Variants in NALCN observed in about 807,000 individuals in gnomAD.
NALCN encodes sodium leak channel, non-selective, also known as sodium leak channel NALCN.
NALCN carries 111 observed loss-of-function variants against 225.3 expected under a neutral mutation model. That is an observed-to-expected ratio of 0.49 (90% confidence interval 0.42 to 0.58). The LOEUF (loss-of-function observed/expected upper bound fraction) is 0.58. NALCN is among the 20% of genes least tolerant of loss of function. The pLI, the probability that NALCN is intolerant of heterozygous loss-of-function variation, is 0.00. For synonymous variants in NALCN, 764 were observed against 769.0 expected, an observed-to-expected ratio of 0.99 and a Z score of 0.11; for missense variants, 1,378 against 2,202.4, an observed-to-expected ratio of 0.63 and a Z score of 7.49.
At chr13:101,302,163 G>A (rs994248951) in intron 7 of NALCN, among the ~76,000 whole-genome samples, 3 of 152,092 alleles carry the variant, frequency 2.0e-5, no homozygotes, top group Admixed American at 2.0e-4. Flanking sequence ...TTTGGCAAAA[G>A]TACTAAGATA....
intron 3 of NALCN, among the ~76,000 whole-genome samples, chr13:101,383,908 A>C (rs149169500): frequency 4.1e-4 from 62 of 152,342 alleles, no homozygotes; most frequent in African/African-American, 1.5e-3. Context: ...TAAAATTACT[A>C]TCATATTAAT....
intron 6 of NALCN, among the ~76,000 whole-genome samples, chr13:101,363,244 A>C (rs2046296414): frequency 6.6e-6 from 1 of 152,130 alleles, no homozygotes; most frequent in Admixed American, 6.6e-5. Context: ...ACTATCCTAA[A>C]ATTTATATTA....
At position 101,124,661 on chromosome 13, in the gene NALCN, G is replaced by A. The variant is rs1467008038; in HGVS notation, c.2139C>T (p.Ser713=). ...IDQKLRKSVF[S]IRARNLLEKE... ...TTTCCAGAAGGTTCCTTGCCCTGAT[G>A]CTGAAAACAGACTTGCGAAGCTGAA... The change falls in exon 18 of 44, where the codon AGC becomes AGT. Residue 713 remains serine, a synonymous_variant. Transcript: ENST00000251127. The A allele has an allele frequency of 6.2e-7, 1 of 1,614,004 alleles. No individual in the cohort carries two copies. The highest frequency in any genetic ancestry group is 2.2e-5 in the East Asian group (1 of 44,858).
intron 28 of NALCN, among the ~76,000 whole-genome samples, chr13:101,092,281 G>C: frequency 6.6e-6 from 1 of 152,128 alleles, no homozygotes; most frequent in South Asian, 2.1e-4. Flanking sequence ...TCTTCCCTTG[G>C]GGAACATGGG....
intron 1 of NALCN, among the ~76,000 whole-genome samples, chr13:101,408,024 G>A (rs2047671555): frequency 6.6e-6 from 1 of 152,164 alleles, no homozygotes. Context: ...GTGAAACTGA[G>A]TTTTGGAGAA....
chr13:101,376,271 A>G (rs2046687052), intron 6 of NALCN, among the ~76,000 whole-genome samples: 2 of 152,306 alleles, frequency 1.3e-5, no homozygotes, highest in South Asian at 4.1e-4. Flanking sequence ...TTCTAAATGT[A>G]CACTTTGCAT....
intron 1 of NALCN, among the ~76,000 whole-genome samples, chr13:101,415,345 G>T (rs1423686988): frequency 1.3e-5 from 2 of 152,026 alleles, no homozygotes; most frequent in Non-Finnish European, 2.9e-5. Flanking sequence ...CACCAGGGCA[G>T]TCGGGCCTAG....
intron 3 of NALCN, among the ~76,000 whole-genome samples, chr13:101,391,089 C>T (rs1477882244): frequency 6.6e-6 from 1 of 151,468 alleles, no homozygotes; most frequent in Non-Finnish European, 1.5e-5. Context: ...AAAAATTAAA[C>T]AAAAATTAAT....
intron 14 of NALCN, among the ~76,000 whole-genome samples, chr13:101,190,721 T>C (rs2039646675): frequency 6.6e-6 from 1 of 152,244 alleles, no homozygotes; most frequent in Admixed American, 6.5e-5. Flanking sequence ...TTCTAAGTTA[T>C]ATCTAGTTTA....
chr13:101,409,034 C>T (rs1207528080), intron 1 of NALCN, among the ~76,000 whole-genome samples: 1 of 152,164 alleles, frequency 6.6e-6, no homozygotes, highest in Non-Finnish European at 1.5e-5. Flanking sequence ...CCAAAACTGT[C>T]ATTACTTCTC....
chr13:101,328,854 A>C (rs1218285119), intron 7 of NALCN, among the ~76,000 whole-genome samples: 2 of 152,148 alleles, frequency 1.3e-5, no homozygotes, highest in African/African-American at 4.8e-5. Context: ...CTATGTCCTG[A>C]AACCAATTCC....
intron 1 of NALCN, among the ~76,000 whole-genome samples, chr13:101,411,628 G>GT (rs1490811647): frequency 6.6e-6 from 1 of 152,132 alleles, no homozygotes; most frequent in Non-Finnish European, 1.5e-5. Context: ...GATTACAGGC[G>GT]TGAGCCACCG....
intron 7 of NALCN, among the ~76,000 whole-genome samples, chr13:101,343,516 C>T (rs903219849): frequency 3.9e-5 from 6 of 152,176 alleles, no homozygotes; most frequent in Non-Finnish European, 8.8e-5. Flanking sequence ...AAGACATACG[C>T]TTTGTTGAGC....
At chr13:101,107,429 C>A (rs200360287) in intron 22 of NALCN, 58 bp downstream of exon 22, 1 of 1,609,628 alleles carries the variant, frequency 6.2e-7, no homozygotes, top group East Asian at 2.2e-5. Flanking sequence ...CATATGACAA[C>A]ACCCCTGCTG....
chr13:101,172,741 G>A (rs975462990), intron 15 of NALCN, among the ~76,000 whole-genome samples: 4 of 136,728 alleles, frequency 2.9e-5, no homozygotes, highest in African/African-American at 5.1e-5. Context: ...TTTGTTTTTC[G>A]TATTTTTAGT....
intron 7 of NALCN, among the ~76,000 whole-genome samples, chr13:101,295,839 G>A (rs573209978): frequency 4.6e-5 from 7 of 152,326 alleles, no homozygotes; most frequent in African/African-American, 1.2e-4. Flanking sequence ...TACTACTCCT[G>A]GCTTTGCCAA....
At chr13:101,071,530 A>G (rs78033704) in intron 37 of NALCN, among the ~76,000 whole-genome samples, 2,347 of 152,140 alleles carry the variant, frequency 0.015, 32 homozygotes, top group East Asian at 0.065. Flanking sequence ...AGCGTCAAAC[A>G]TTTTTTTCTA....
At chr13:101,378,718 GA>G (rs2046763456) in intron 3 of NALCN, 65 bp from the exon 4 acceptor site, 4 of 1,323,266 alleles carry the variant, frequency 3.0e-6, no homozygotes, top group South Asian at 1.3e-5. Context: ...ATCTGTGGAG[GA>G]AAATGTCAAA....
intron 17 of NALCN, among the ~76,000 whole-genome samples, chr13:101,132,503 A>G (rs1490902773): frequency 6.6e-6 from 1 of 152,144 alleles, no homozygotes; most frequent in Non-Finnish European, 1.5e-5. Context: ...ACATTTAAAA[A>G]TGTACATTTT....
Sources: gnomAD v4.1 joint callset for allele counts (sites outside exome capture counted in the v4.1 genomes callset) on GRCh38, gnomAD v4.1.1 for gene constraint, MANE v1.5 for transcripts, NCBI Gene and HGNC (gene_info 2026-07-23, HGNC 2026-07-21) for gene names.